The following CALN1 variants were observed in gnomAD, a reference collection of about 807,000 sequenced individuals.
CALN1 encodes the protein calcium-binding protein 8.
CALN1 carries 17 observed loss-of-function variants against 30.6 expected under a neutral mutation model. The ratio of observed to expected loss-of-function variants is 0.56; its 90% confidence interval spans 0.38 to 0.83. The LOEUF (loss-of-function observed/expected upper bound fraction) is 0.83, where lower values mean the gene tolerates loss of function less well. CALN1 is among the 40% of genes least tolerant of loss of function. The probability of loss-of-function intolerance (pLI) is 0.00; values close to 1 mark genes in which losing one functional copy is unlikely to be tolerated. For missense variants in CALN1, 291 were observed against 354.9 expected (o/e 0.82, Z 1.45); for synonymous variants, 156 against 131.4 (o/e 1.19, Z -1.28).
At chr7:72,278,632 A>G in intron 3 of CALN1, 54 bp downstream of exon 3, 3 of 1,588,988 alleles carry the variant, frequency 1.9e-6, no homozygotes, top group Admixed American at 1.7e-5. Context: ...CACAATAGCC[A>G]GAAACACCTC....
At chr7:72,206,080 G>C (rs1476073984) in intron 3 of CALN1, among the ~76,000 whole-genome samples, 1 of 152,076 alleles carries the variant, frequency 6.6e-6, no homozygotes, top group Non-Finnish European at 1.5e-5. Context: ...TCAATATCTG[G>C]AAGATCAAGG....
rs192989040 is a variant in CALN1, at chr7:72,192,995, C to A, written c.244+85691G>T. ...TTGAGGTCAGGAGTTCGAGACCAGT[C>A]TGGCCAACATGGCAAAATCCCATCT... On this transcript the variant is annotated intron_variant, in intron 3 of 6. Coordinates refer to ENST00000395275, the MANE Select transcript of CALN1 (RefSeq NM_031468.4). Among the ~76,000 whole-genome samples the A allele has an allele frequency of 4.4e-3, 669 of 152,118 alleles. 6 individuals are homozygous for A. Among genetic ancestry groups the A allele is most frequent in the Middle Eastern group, 6.8e-3 (2 of 294 alleles).
chr7:72,049,697 G>A (rs1802710069), intron 4 of CALN1, among the ~76,000 whole-genome samples: 1 of 151,956 alleles, frequency 6.6e-6, no homozygotes. Context: ...TAGTAGGGAT[G>A]GGGTTTCACC....
At chr7:72,397,272 C>T (rs1352347338) in intron 2 of CALN1, among the ~76,000 whole-genome samples, 2 of 152,152 alleles carry the variant, frequency 1.3e-5, no homozygotes, top group African/African-American at 4.8e-5. Flanking sequence ...TAGAAAACAG[C>T]TGTCAGGGAG....
intron 5 of CALN1, among the ~76,000 whole-genome samples, chr7:71,935,984 A>G (rs1279854359): frequency 1.3e-5 from 2 of 152,098 alleles, no homozygotes; most frequent in East Asian, 3.9e-4. Flanking sequence ...TCAGTGTAGT[A>G]GAGACTCCCA....
At chr7:71,822,840 T>C (rs1397737446) in intron 5 of CALN1, among the ~76,000 whole-genome samples, 1 of 152,220 alleles carries the variant, frequency 6.6e-6, no homozygotes, top group East Asian at 1.9e-4. Context: ...TTTTCTAGAA[T>C]AGTATTTGGA....
intron 2 of CALN1, among the ~76,000 whole-genome samples, chr7:72,318,308 A>T (rs1330561865): frequency 1.5e-5 from 2 of 130,794 alleles, no homozygotes; most frequent in Non-Finnish European, 3.7e-5. Flanking sequence ...CATTTGACGC[A>T]CTTTCATTCT....
Position 71,969,536 on chromosome 7 carries a change from A to G in CALN1, c.501+54121T>C, listed in dbSNP as rs541770963. On this transcript the variant is annotated intron_variant, in intron 5 of 6. Transcript: ENST00000395275. The stretch of plus-strand genomic sequence containing the variant: ...TAATAAACATTCAAGCCATAAAAAC[A>G]TAATTCATTAAGGCTTACTATCATG... Among the ~76,000 whole-genome samples the G allele has an allele frequency of 1.2e-3, 182 of 152,338 alleles. 1 individual carries two copies. The highest frequency in any genetic ancestry group is 1.9e-3 in the Non-Finnish European group (132 of 68,026).
intron 4 of CALN1, among the ~76,000 whole-genome samples, chr7:72,067,961 T>A (rs1236237587): frequency 6.6e-6 from 1 of 152,256 alleles, no homozygotes; most frequent in East Asian, 1.9e-4. Flanking sequence ...TATCTGCTTC[T>A]GTGTGCTTTG....
At chr7:72,500,613 G>C in the CALN1 span, among the ~76,000 whole-genome samples, 1 of 151,256 alleles carries the variant, frequency 6.6e-6, no homozygotes, top group South Asian at 2.1e-4. Context: ...CCTCTCCGCT[G>C]TTTATATAAC....
chr7:71,833,280 G>A (rs201274612), intron 5 of CALN1, among the ~76,000 whole-genome samples: 1 of 152,110 alleles, frequency 6.6e-6, no homozygotes, highest in African/African-American at 2.4e-5. Flanking sequence ...GAATTCCTAC[G>A]GGATAGCAAC....
chr7:72,215,401 C>G (rs1038696556), intron 3 of CALN1, among the ~76,000 whole-genome samples: 1 of 152,002 alleles, frequency 6.6e-6, no homozygotes, highest in African/African-American at 2.4e-5. Context: ...CGAGACCAGC[C>G]TGGTCAACAT....
intron 1 of CALN1, among the ~76,000 whole-genome samples, chr7:72,404,725 T>C (rs1806584838): frequency 6.6e-6 from 1 of 152,162 alleles, no homozygotes; most frequent in Admixed American, 6.5e-5. Context: ...TGGTCTCCTA[T>C]CAAAGTCAGC....
intron 4 of CALN1, among the ~76,000 whole-genome samples, chr7:72,034,244 C>T (rs1225635976): frequency 6.6e-6 from 1 of 151,034 alleles, no homozygotes; most frequent in African/African-American, 2.4e-5. Context: ...GTCCCAGCTA[C>T]TGGGGAGGCT....
chr7:72,367,899 C>T (rs1803968973), intron 2 of CALN1, among the ~76,000 whole-genome samples: 1 of 151,800 alleles, frequency 6.6e-6, no homozygotes, highest in Non-Finnish European at 1.5e-5. Flanking sequence ...TTTGGGAGGC[C>T]GAGGCGGATG....
chr7:72,321,437 A>C (rs942076449), intron 2 of CALN1, among the ~76,000 whole-genome samples: 1 of 152,306 alleles, frequency 6.6e-6, no homozygotes, highest in Admixed American at 6.5e-5. Flanking sequence ...ATTCACCACA[A>C]CACCAAGAAA....
At chr7:71,823,695 G>A (rs562300649) in intron 5 of CALN1, among the ~76,000 whole-genome samples, 2 of 151,468 alleles carry the variant, frequency 1.3e-5, no homozygotes, top group African/African-American at 4.9e-5. Context: ...TCCAGCCTGG[G>A]CAACAGAGCG....
intron 2 of CALN1, among the ~76,000 whole-genome samples, chr7:72,390,751 A>T (rs192247858): frequency 4.6e-5 from 7 of 152,210 alleles, no homozygotes. Context: ...TATGATTATT[A>T]TATCTACCAA....
At chr7:72,429,783 C>T (rs1009501274) in intron 1 of CALN1, among the ~76,000 whole-genome samples, 13 of 148,192 alleles carry the variant, frequency 8.8e-5, no homozygotes, top group African/African-American at 3.0e-4. Flanking sequence ...GTATATACAT[C>T]TATATGTATA....
Sources: gnomAD v4.1 joint callset for allele counts (sites outside exome capture counted in the v4.1 genomes callset) on GRCh38, gnomAD v4.1.1 for gene constraint, MANE v1.5 for transcripts, NCBI Gene and HGNC (gene_info 2026-07-23, HGNC 2026-07-21) for gene names.